The following JAZF1 variants were observed in gnomAD, a reference collection of about 807,000 sequenced individuals.
JAZF1 encodes the protein juxtaposed with another zinc finger protein 1.
A neutral mutation model predicts 26.4 loss-of-function variants in JAZF1; 8 were observed. The observed-to-expected ratio is 0.30, with a 90% CI of 0.18 to 0.55. The LOEUF (loss-of-function observed/expected upper bound fraction) is 0.55, where lower values mean the gene tolerates loss of function less well. Among genes scored for constraint, JAZF1 ranks in the 20% least tolerant of loss-of-function variants. The pLI, the probability that JAZF1 is intolerant of heterozygous loss-of-function variation, is 0.94. For missense variants in JAZF1, 199 were observed against 322.0 expected, an observed-to-expected ratio of 0.62 and a Z score of 2.92; for synonymous variants, 126 against 122.3, an observed-to-expected ratio of 1.03 and a Z score of -0.20.
chr7:27,844,774 T>C (rs1372999595), intron 3 of JAZF1, among the ~76,000 whole-genome samples: 1 of 152,224 alleles, frequency 6.6e-6, no homozygotes, highest in Non-Finnish European at 1.5e-5. Flanking sequence ...CTGCCCTGCA[T>C]GCCAGCTGGG....
chr7:28,149,578 G>A (rs1204289531), intron 1 of JAZF1, among the ~76,000 whole-genome samples: 1 of 152,088 alleles, frequency 6.6e-6, no homozygotes, highest in Non-Finnish European at 1.5e-5. Context: ...CAGAAATAGG[G>A]AGGTGCATCC....
At chr7:28,084,827 C>T (rs932819558) in intron 1 of JAZF1, among the ~76,000 whole-genome samples, 5 of 152,148 alleles carry the variant, frequency 3.3e-5, no homozygotes, top group Admixed American at 6.5e-5. Flanking sequence ...CTCCAAAGTT[C>T]GTGTTGCAAT....
chr7:27,964,640 GT>G (rs11450000), intron 2 of JAZF1, among the ~76,000 whole-genome samples: 45 of 146,046 alleles, frequency 3.1e-4, no homozygotes, highest in Middle Eastern at 3.6e-3. Context: ...ATCAGAAAAA[GT>G]TTTTTTTTTT....
rs573990961 is a variant in JAZF1 at position 28,057,181 on chromosome 7, C to T, written c.116-65200G>A. On this transcript the variant is annotated intron_variant, in intron 1 of 4. Coordinates refer to ENST00000283928, the MANE Select transcript of JAZF1 (RefSeq NM_175061.4). ...TAGGCTGAATCTTACCTTTAACCCA[C>T]GCCTTAGTAAACAATTTGCTAAATA... is the stretch of plus-strand genomic sequence containing the variant. Among the ~76,000 whole-genome samples the T allele has an allele frequency of 5.9e-5, 9 of 152,218 alleles. No homozygotes were observed. The South Asian group carries it at 8.3e-4, about 14-fold the overall frequency.
rs191253556 is a variant in JAZF1 at position 28,136,541 on chromosome 7, C to T, written c.115+43922G>A. 4.6e-5 allele frequency among the ~76,000 whole-genome samples: 7 copies of T among 152,378 alleles called. No homozygotes were observed. In the East Asian group the frequency reaches 1.2e-3, roughly 25 times the overall value. On this transcript the variant is annotated intron_variant, in intron 1 of 4. Coordinates refer to ENST00000283928, the MANE Select transcript of JAZF1 (RefSeq NM_175061.4). ...ACACATTGGTGGAAGTGGGTCTGTG[C>T]AGGGCTGCCTTCGGCACTGAGTTGA...
At position 27,895,361 on chromosome 7, in the gene JAZF1, G is replaced by T. The variant is rs1305180998; in HGVS notation, c.244C>A (p.Pro82Thr). 1.2e-6 allele frequency: 2 copies of T among 1,608,846 alleles called. No individual in the cohort carries two copies. Among genetic ancestry groups the T allele is most frequent in the Admixed American group, 3.4e-5 (2 of 59,168 alleles). ...CTGGACAGAGTCAGCGAGAGCTTCG[G>T]CTGAATCTTCTTCTTTAGGGACTCC... ...EQESLKKKIQ[P>T]KLSLTLSSSV... Residue 82 changes from proline to threonine, a missense_variant, in exon 3 of 5, where the codon CCG (proline) becomes ACG (threonine). Coordinates refer to ENST00000283928, the MANE Select transcript of JAZF1 (RefSeq NM_175061.4).
chr7:27,991,852 A>ACAT (rs1181360797), intron 2 of JAZF1, 57 bp downstream of exon 2: 1 of 933,920 alleles, frequency 1.1e-6, no homozygotes, highest in African/African-American at 1.7e-5. Flanking sequence ...GATGTGTTTA[A>ACAT]AAAGTCAATA....
chr7:27,996,291 T>C (rs1307838129), intron 1 of JAZF1, among the ~76,000 whole-genome samples: 1 of 152,196 alleles, frequency 6.6e-6, no homozygotes, highest in Non-Finnish European at 1.5e-5. Flanking sequence ...CTAAGGGCAA[T>C]GTGCTATTCG....
chr7:28,109,300 A>G (rs540248734), intron 1 of JAZF1, among the ~76,000 whole-genome samples: 1 of 152,366 alleles, frequency 6.6e-6, no homozygotes, highest in Admixed American at 6.5e-5. Flanking sequence ...GTCGACATAT[A>G]TCAAAACATC....
intron 1 of JAZF1, among the ~76,000 whole-genome samples, chr7:28,176,143 T>C (rs1248230918): frequency 6.6e-6 from 1 of 152,248 alleles, no homozygotes; most frequent in African/African-American, 2.4e-5. Context: ...CTGTTGATAT[T>C]CGGGGTCAGG....
chr7:28,062,352 G>C (rs910851734), intron 1 of JAZF1, among the ~76,000 whole-genome samples: 3 of 152,166 alleles, frequency 2.0e-5, no homozygotes, highest in Non-Finnish European at 2.9e-5. Flanking sequence ...TGGCTCCAGA[G>C]TACTGTGTTT....
At chr7:27,968,703 C>T (rs1027779860) in intron 2 of JAZF1, among the ~76,000 whole-genome samples, 2 of 152,104 alleles carry the variant, frequency 1.3e-5, no homozygotes, top group African/African-American at 2.4e-5. Flanking sequence ...CAAAAATATT[C>T]CCGCTGTCTA....
rs58075065 is a variant in JAZF1 at position 28,173,880 on chromosome 7, TAAAAAAAAAAAAAAA to T, written c.115+6568_115+6582del. 1.3e-3 allele frequency among the ~76,000 whole-genome samples: 118 copies of T among 93,150 alleles called. 6 individuals are homozygous for T. Among genetic ancestry groups the T allele is most frequent in the Non-Finnish European group, 6.3e-5 (3 of 47,806 alleles). The allele number at this position is 93,150 out of a possible 152,430, so 61.1% of individuals were successfully genotyped here. A position where few individuals can be genotyped will look rare whatever the true frequency, so the allele number is the denominator to read the frequency against. On this transcript the variant is annotated intron_variant, in intron 1 of 4. Transcript: ENST00000283928. ...TCTGGTCCCTGCTTGCAGCTAGCTT[TAAAAAAAAAAAAAAA>T]AAAAAAAAAAAGTAGGTGAAAACTA...
intron 1 of JAZF1, among the ~76,000 whole-genome samples, chr7:28,008,657 A>C (rs896610421): frequency 6.6e-6 from 1 of 152,252 alleles, no homozygotes; most frequent in African/African-American, 2.4e-5. Context: ...TATTTGCATA[A>C]AGAACTTAGA....
intron 2 of JAZF1, among the ~76,000 whole-genome samples, chr7:27,939,341 G>A (rs1159280368): frequency 1.3e-5 from 2 of 152,228 alleles, no homozygotes; most frequent in Non-Finnish European, 2.9e-5. Flanking sequence ...GGGTGGGAAG[G>A]ACTGAGTAGC....
intron 1 of JAZF1, among the ~76,000 whole-genome samples, chr7:28,048,798 C>A (rs933356451): frequency 6.6e-6 from 1 of 152,076 alleles, no homozygotes; most frequent in African/African-American, 2.4e-5. Context: ...TGTAGTATAA[C>A]CATACAATGG....
At chr7:28,001,064 A>G (rs566081437) in intron 1 of JAZF1, among the ~76,000 whole-genome samples, 2 of 152,170 alleles carry the variant, frequency 1.3e-5, no homozygotes, top group East Asian at 3.9e-4. Context: ...CACAGTTAAC[A>G]ATAATCTGGC....
At chr7:27,881,525 G>T (rs1382759899) in intron 3 of JAZF1, among the ~76,000 whole-genome samples, 1 of 152,066 alleles carries the variant, frequency 6.6e-6, no homozygotes, top group Non-Finnish European at 1.5e-5. Context: ...ACTTCATCAT[G>T]GTGAATTTCA....
At chr7:28,092,108 C>T (rs550078644) in intron 1 of JAZF1, among the ~76,000 whole-genome samples, 8 of 151,850 alleles carry the variant, frequency 5.3e-5, no homozygotes, top group Non-Finnish European at 7.4e-5. Flanking sequence ...TATGACTTCA[C>T]ATATATATGT....
Sources: gnomAD v4.1 joint callset for allele counts (sites outside exome capture counted in the v4.1 genomes callset) on GRCh38, gnomAD v4.1.1 for gene constraint, MANE v1.5 for transcripts, NCBI Gene and HGNC (gene_info 2026-07-23, HGNC 2026-07-21) for gene names.